The following LRRC4C variants were observed in gnomAD, a reference collection of about 807,000 sequenced individuals.
LRRC4C encodes leucine rich repeat containing 4C.
In LRRC4C, 5 loss-of-function variants were observed where a neutral mutation model predicts 33.6. The observed-to-expected ratio is 0.15, with a 90% CI of 0.08 to 0.31. The LOEUF is 0.31. LRRC4C is among the 10% of genes least tolerant of loss of function. The pLI, the probability that LRRC4C is intolerant of heterozygous loss-of-function variation, is 1.00. For synonymous variants in LRRC4C, 329 were observed against 302.0 expected (o/e 1.09, Z -0.93); for missense variants, 560 against 796.7 (o/e 0.70, Z 3.58).
At chr11:41,007,457 A>C (rs969331737) in intron 1 of LRRC4C, among the ~76,000 whole-genome samples, 7 of 152,042 alleles carry the variant, frequency 4.6e-5, no homozygotes, top group African/African-American at 1.7e-4. Context: ...ATTGTTCTGG[A>C]GAGTATTTGG....
At chr11:40,908,713 T>A (rs1030391065) in intron 2 of LRRC4C, among the ~76,000 whole-genome samples, 2 of 152,044 alleles carry the variant, frequency 1.3e-5, no homozygotes, top group Non-Finnish European at 2.9e-5. Flanking sequence ...TTCAAATGAG[T>A]TTGTGGAAGT....
chr11:40,166,735 G>T (rs536342887), intron 5 of LRRC4C, among the ~76,000 whole-genome samples: 2 of 152,110 alleles, frequency 1.3e-5, no homozygotes, highest in Admixed American at 6.5e-5. Flanking sequence ...ATGACTACTA[G>T]TTGGTCATGT....
intron 3 of LRRC4C, among the ~76,000 whole-genome samples, chr11:40,408,901 A>G (rs753094253): frequency 2.9e-4 from 44 of 152,000 alleles, no homozygotes; most frequent in Admixed American, 2.0e-4. Flanking sequence ...AGAAATAGAA[A>G]AAACAATCTA....
At chr11:41,353,687 T>C (rs1952060456) in intron 1 of LRRC4C, among the ~76,000 whole-genome samples, 1 of 152,166 alleles carries the variant, frequency 6.6e-6, no homozygotes, top group African/African-American at 2.4e-5. Context: ...TCAAGTAGGC[T>C]TTATTCCTGA....
intron 1 of LRRC4C, among the ~76,000 whole-genome samples, chr11:41,402,061 C>T (rs1182985452): frequency 2.6e-5 from 4 of 151,842 alleles, no homozygotes; most frequent in Non-Finnish European, 5.9e-5. Context: ...TGTCCTTTGT[C>T]CTGAAAAGTC....
rs1159751894 is a variant in LRRC4C, at chr11:40,115,609, C to T, written c.684G>A (p.Gly228=). ...LIKLDELDLS[G]NHLSAIRPGS... ...CAGGCCTGATGGCAGATAAATGATT[C>T]CCAGAAAGATCCAGCTCATCTAGTT... Residue 228 remains glycine, a synonymous_variant, in exon 7 of 7, where the codon GGG becomes GGA. Coordinates refer to ENST00000528697, the MANE Select transcript of LRRC4C (RefSeq NM_001258419.2). This position sits in a 1 kb window ranked among gnomAD's most constrained non-coding sequence, Gnocchi z 6.7. The T allele has an allele frequency of 3.1e-6, 5 of 1,614,016 alleles. No individual in the cohort carries two copies. The highest frequency in any genetic ancestry group is 4.2e-6 in the Non-Finnish European group (5 of 1,180,044).
chr11:41,252,840 C>CT (rs960810566), intron 1 of LRRC4C, among the ~76,000 whole-genome samples: 13 of 152,054 alleles, frequency 8.5e-5, no homozygotes, highest in African/African-American at 2.9e-4. Flanking sequence ...GGGGAACTCC[C>CT]TTTATAAAAC....
At position 41,017,990 on chromosome 11, in the gene LRRC4C, G is replaced by T. The variant is rs1235991788; in HGVS notation, c.-495-84267C>A. Among the ~76,000 whole-genome samples, 6 of 151,930 alleles carry T rather than the reference G, an allele frequency of 3.9e-5. No individual in the cohort carries two copies. In the East Asian group the frequency reaches 1.2e-3, roughly 29 times the overall value. On this transcript the variant is annotated intron_variant, in intron 1 of 6. Coordinates refer to ENST00000528697, the MANE Select transcript of LRRC4C (RefSeq NM_001258419.2). Reference sequence around the variant, plus strand: ...TAGTATGTTTGTTCTTAATAGAAATGGTCTTCAAGATGATAATCCATCCCA... The same window carrying T: ...TAGTATGTTTGTTCTTAATAGAAATTGTCTTCAAGATGATAATCCATCCCA...
chr11:41,279,426 A>ACCCCCCCCCC (rs758334311), intron 1 of LRRC4C, among the ~76,000 whole-genome samples: 1 of 113,200 alleles, frequency 8.8e-6, no homozygotes, highest in Non-Finnish European at 1.9e-5. Context: ...ACACACACAC[A>ACCCCCCCCCC]CACCGTGGCA....
At chr11:40,207,543 A>G (rs1863250663) in intron 5 of LRRC4C, among the ~76,000 whole-genome samples, 2 of 152,204 alleles carry the variant, frequency 1.3e-5, no homozygotes, top group Non-Finnish European at 2.9e-5. Flanking sequence ...TTGAGGTTGC[A>G]GTGAGCAATG....
intron 1 of LRRC4C, among the ~76,000 whole-genome samples, chr11:41,124,031 G>T (rs1444511768): frequency 6.6e-6 from 1 of 152,072 alleles, no homozygotes; most frequent in Non-Finnish European, 1.5e-5. Context: ...ACTGGTTTCT[G>T]CACAGTTTCA....
intron 3 of LRRC4C, among the ~76,000 whole-genome samples, chr11:40,374,410 G>A (rs1948579882): frequency 6.6e-6 from 1 of 152,076 alleles, no homozygotes; most frequent in Non-Finnish European, 1.5e-5. Context: ...TAGTTCATGT[G>A]CTCACGTTGT....
chr11:40,387,947 T>G (rs2137418598), intron 3 of LRRC4C, among the ~76,000 whole-genome samples: 1 of 152,292 alleles, frequency 6.6e-6, no homozygotes, highest in South Asian at 2.1e-4. Flanking sequence ...CATCTTATTT[T>G]ACCTCCTGTG....
At chr11:40,915,894 ACAGACAC>A (rs1431885511) in intron 2 of LRRC4C, among the ~76,000 whole-genome samples, 1 of 152,220 alleles carries the variant, frequency 6.6e-6, no homozygotes, top group African/African-American at 2.4e-5. Context: ...AAGGATATGA[ACAGACAC>A]TTCTCAAAAG....
At chr11:40,121,388 A>T (rs1300302325) in intron 6 of LRRC4C, among the ~76,000 whole-genome samples, 1 of 152,244 alleles carries the variant, frequency 6.6e-6, no homozygotes, top group Non-Finnish European at 1.5e-5. Flanking sequence ...TGCTTGGTAC[A>T]TGCACTGAAT....
At chr11:41,288,703 G>A (rs1284052532) in intron 1 of LRRC4C, among the ~76,000 whole-genome samples, 2 of 152,120 alleles carry the variant, frequency 1.3e-5, no homozygotes, top group African/African-American at 4.8e-5. Flanking sequence ...ACTTAGGTGG[G>A]TTCTCTTCTT....
At chr11:41,088,732 T>C in intron 1 of LRRC4C, among the ~76,000 whole-genome samples, 1 of 152,062 alleles carries the variant, frequency 6.6e-6, no homozygotes, top group East Asian at 1.9e-4. Flanking sequence ...AAGTAATAAT[T>C]TGAATAGATC....
intron 1 of LRRC4C, among the ~76,000 whole-genome samples, chr11:41,289,460 G>C (rs2136995026): frequency 6.6e-6 from 1 of 152,292 alleles, no homozygotes; most frequent in East Asian, 1.9e-4. Context: ...CTTTAGGAAG[G>C]TAAGTAAGGT....
At chr11:41,417,368 T>C (rs756465797) in intron 1 of LRRC4C, among the ~76,000 whole-genome samples, 5 of 152,086 alleles carry the variant, frequency 3.3e-5, no homozygotes, top group African/African-American at 7.2e-5. Context: ...AAAAGTTGAC[T>C]GTGGTAAACA....
Sources: allele counts gnomAD v4.1 joint callset (sites outside exome capture counted in the v4.1 genomes callset), GRCh38; gene constraint gnomAD v4.1.1; non-coding constraint Gnocchi (gnomAD v3.1); transcripts MANE v1.5; gene names NCBI Gene and HGNC (gene_info 2026-07-23, HGNC 2026-07-21).